Variants in CHST3 observed in about 807,000 individuals in gnomAD.
CHST3 encodes the protein carbohydrate sulfotransferase 3.
A neutral mutation model predicts 35.4 loss-of-function variants in CHST3; 20 were observed. The ratio of observed to expected loss-of-function variants is 0.57; its 90% confidence interval spans 0.40 to 0.82. The LOEUF (loss-of-function observed/expected upper bound fraction) is 0.82. Ranked by LOEUF, CHST3 falls within the 40% of genes least tolerant of loss-of-function variation. The pLI is 0.00. For synonymous variants in CHST3, 334 were observed against 295.9 expected (o/e 1.13, Z -1.32); for missense variants, 693 against 670.1 (o/e 1.03, Z -0.38).
At chr10:72,005,283 T>TTGTGTGTGTGTG (rs761296471) in intron 1 of CHST3, among the ~76,000 whole-genome samples, 57 of 149,416 alleles carry the variant, frequency 3.8e-4, no homozygotes, top group East Asian at 9.7e-4. Context: ...GTCTGCACCT[T>TTGTGTGTGTGTG]TGTGTGTGTG....
intron 1 of CHST3, among the ~76,000 whole-genome samples, chr10:71,999,902 AT>A (rs1839975957): frequency 6.6e-6 from 1 of 152,086 alleles, no homozygotes; most frequent in African/African-American, 2.4e-5. Flanking sequence ...TCTCCCTCAC[AT>A]TTGTCTGCAG....
intron 2 of CHST3, 149 bp downstream of exon 2, chr10:72,006,131 CT>C: frequency 1.0e-6 from 1 of 1,003,756 alleles, no homozygotes; most frequent in Non-Finnish European, 1.5e-6. Flanking sequence ...GCAGTGGCTC[CT>C]GCACACGTCC....
intron 1 of CHST3, among the ~76,000 whole-genome samples, chr10:72,001,774 T>C (rs1259330122): frequency 6.6e-6 from 1 of 151,916 alleles, no homozygotes; most frequent in Non-Finnish European, 1.5e-5. Context: ...CCTGGCCGGA[T>C]GAAAGGTATT....
rs1015873809 is a variant in CHST3, at chr10:71,984,178, G to A, written c.-108+19484G>A. ...GCTGGGATTACAGGCATGCGCCACC[G>A]CACCCAGCTAATTATTGTATTTTTA... On this transcript the variant is annotated intron_variant, in intron 1 of 2. Coordinates refer to ENST00000373115, the MANE Select transcript of CHST3 (RefSeq NM_004273.5). 5.3e-5 allele frequency among the ~76,000 whole-genome samples: 8 copies of A among 152,118 alleles called. No individual in the cohort carries two copies. The East Asian group carries it at 7.8e-4, about 15-fold the overall frequency.
chr10:72,006,117 C>A, intron 2 of CHST3, 135 bp downstream of exon 2: 1 of 1,136,406 alleles, frequency 8.8e-7, no homozygotes, highest in Non-Finnish European at 1.3e-6. Flanking sequence ...CTTCTATGTC[C>A]CAGGCAGTGG....
intron 1 of CHST3, among the ~76,000 whole-genome samples, chr10:71,984,424 C>T (rs10400064): frequency 0.51 from 78,018 of 152,116 alleles, 20,817 homozygotes; most frequent in African/African-American, 0.66. Flanking sequence ...TTTTGTCTAA[C>T]TCTGTGTTCA....
At chr10:71,993,872 G>A (rs185767522) in intron 1 of CHST3, among the ~76,000 whole-genome samples, 109 of 152,224 alleles carry the variant, frequency 7.2e-4, no homozygotes, top group African/African-American at 2.5e-3. Context: ...GGCTGAGGTG[G>A]GTGGATCACC....
chr10:72,008,693 G>A lies in CHST3; in HGVS notation c.*222G>A. The A allele has an allele frequency of 1.1e-6, 1 of 922,796 alleles. No individual in the cohort carries two copies. The highest frequency in any genetic ancestry group is 2.3e-5 in the South Asian group (1 of 42,558). 57.2% of individuals were successfully genotyped at this position (922,796 alleles called of 1,614,324 possible). ...AGGGCCATCACACCCAGACCCAACGGGTTGCAGCCTCCTGAGCAGGCCTAG... is the reference window on the plus strand; with the variant it reads ...AGGGCCATCACACCCAGACCCAACGAGTTGCAGCCTCCTGAGCAGGCCTAG... On this transcript the variant is annotated 3_prime_UTR_variant, in exon 3 of 3. Coordinates refer to ENST00000373115, the MANE Select transcript of CHST3 (RefSeq NM_004273.5).
chr10:71,984,154 C>G (rs965291704), intron 1 of CHST3, among the ~76,000 whole-genome samples: 1 of 152,212 alleles, frequency 6.6e-6, no homozygotes, highest in Admixed American at 6.5e-5. Flanking sequence ...TCTCGAGTAG[C>G]TGGGATTACA....
intron 1 of CHST3, among the ~76,000 whole-genome samples, chr10:71,972,657 C>T (rs1027111569): frequency 7.9e-5 from 12 of 152,180 alleles, no homozygotes; most frequent in African/African-American, 2.4e-4. Flanking sequence ...AACCCCACCC[C>T]GAGTGATGTC....
At chr10:71,977,037 T>C (rs1245584239) in intron 1 of CHST3, among the ~76,000 whole-genome samples, 1 of 152,236 alleles carries the variant, frequency 6.6e-6, no homozygotes, top group African/African-American at 2.4e-5. Flanking sequence ...AACCCTTCCC[T>C]GTTTCACAAT....
intron 1 of CHST3, among the ~76,000 whole-genome samples, chr10:71,973,672 A>C (rs1839718069): frequency 2.0e-5 from 3 of 152,198 alleles, no homozygotes; most frequent in African/African-American, 7.2e-5. Flanking sequence ...AACAGGAGGG[A>C]CTTTCAAGCT....
chr10:71,987,606 C>T (rs1037446704), intron 1 of CHST3, among the ~76,000 whole-genome samples: 1 of 149,814 alleles, frequency 6.7e-6, no homozygotes, highest in African/African-American at 2.5e-5. Flanking sequence ...ATCCCAACTA[C>T]TCGGGAGGCT....
chr10:71,975,636 C>T (rs1009633076), intron 1 of CHST3, among the ~76,000 whole-genome samples: 3 of 152,226 alleles, frequency 2.0e-5, no homozygotes, highest in African/African-American at 7.2e-5. Flanking sequence ...GGAAGGAGCA[C>T]GGGGGCTCAG....
In CHST3 at chr10:72,007,512, C is replaced by G. The variant is rs267606733; in HGVS notation, c.481C>G (p.Leu161Val). 1 of 1,602,344 alleles carries G rather than the reference C, an allele frequency of 6.2e-7. No homozygotes were observed. Among genetic ancestry groups the G allele is most frequent in the Non-Finnish European group, 8.5e-7 (1 of 1,179,714 alleles). Residue 161 changes from leucine (L) to valine (V), a missense_variant, in exon 3 of 3, where the codon CTC (leucine) becomes GTC (valine). Transcript: ENST00000373115. Reference sequence around the variant, plus strand: ...CAACCAGCAGGGCAACATCTTCTACCTCTTCGAGCCGCTGTGGCACATCGA... The same window carrying G: ...CAACCAGCAGGGCAACATCTTCTACGTCTTCGAGCCGCTGTGGCACATCGA... ...FFNQQGNIFY[L>V]FEPLWHIERT...
In CHST3 at chr10:71,966,303, G is replaced by A. The variant is rs376867428; in HGVS notation, c.-108+1609G>A. 1.5e-3 allele frequency among the ~76,000 whole-genome samples: 229 copies of A among 152,290 alleles called. 2 individuals carry two copies. Among genetic ancestry groups the A allele is most frequent in the South Asian group, 6.0e-3 (29 of 4,826 alleles). On this transcript the variant is annotated intron_variant, in intron 1 of 2. Transcript: ENST00000373115. The stretch of plus-strand genomic sequence containing the variant: ...GCAGCAGTGGCTTGGCTCTGTGGTG[G>A]CAGCAGGTAGAGCAGTGGTCACAGT...
intron 1 of CHST3, among the ~76,000 whole-genome samples, chr10:72,001,760 C>T (rs757191469): frequency 3.0e-4 from 46 of 152,102 alleles, no homozygotes; most frequent in Non-Finnish European, 5.6e-4. Context: ...CGTGAACCAT[C>T]GTGCCTGGCC....
chr10:71,980,442 C>T (rs1308305529), intron 1 of CHST3, among the ~76,000 whole-genome samples: 1 of 152,094 alleles, frequency 6.6e-6, no homozygotes, highest in African/African-American at 2.4e-5. Flanking sequence ...CTACACAATG[C>T]TGTTGTGTTT....
In CHST3 at chr10:72,007,373, G is replaced by C. The variant is rs1840050644; in HGVS notation, c.342G>C (p.Glu114Asp). Residue 114 changes from glutamate to aspartate, a missense_variant, in exon 3 of 3, where the codon GAG becomes GAC. Physicochemically the swap from Glu to Asp is conservative, Grantham distance 45. Coordinates refer to ENST00000373115, the MANE Select transcript of CHST3 (RefSeq NM_004273.5). Reference sequence around the variant, plus strand: ...CCATGGAGGCCGCAGGGGAGGAAGAGGAAGAGCAGAGAAAGGAGGAGGAGC... The same window carrying C: ...CCATGGAGGCCGCAGGGGAGGAAGACGAAGAGCAGAGAAAGGAGGAGGAGC... ...EPAMEAAGEE[E>D]EEQRKEEEPP... 1 of 1,606,192 alleles carries C rather than the reference G, an allele frequency of 6.2e-7. No homozygotes were observed. Among genetic ancestry groups the C allele is most frequent in the Non-Finnish European group, 8.5e-7 (1 of 1,176,924 alleles).
Sources: gnomAD v4.1 joint callset for allele counts (sites outside exome capture counted in the v4.1 genomes callset) on GRCh38, gnomAD v4.1.1 for gene constraint, MANE v1.5 for transcripts, NCBI Gene and HGNC (gene_info 2026-07-23, HGNC 2026-07-21) for gene names.